The following RAPGEF5 variants were observed in gnomAD, a reference collection of about 807,000 sequenced individuals.
RAPGEF5 encodes Rap guanine nucleotide exchange factor 5, also known as M-Ras-regulated GEF.
RAPGEF5 carries 65 observed loss-of-function variants against 125.2 expected under a neutral mutation model. The ratio of observed to expected loss-of-function variants is 0.52; its 90% CI spans 0.43 to 0.64. RAPGEF5 has a LOEUF of 0.64. RAPGEF5 is among the 30% of genes least tolerant of loss of function. The probability of loss-of-function intolerance (pLI) is 0.00; values close to 1 mark genes in which losing one functional copy is unlikely to be tolerated. For synonymous variants in RAPGEF5, 391 were observed against 385.9 expected (o/e 1.01, Z -0.16); for missense variants, 958 against 1,048.1 (o/e 0.91, Z 1.19).
chr7:22,225,923 AG>A (rs1284285573), intron 8 of RAPGEF5, among the ~76,000 whole-genome samples: 1 of 152,224 alleles, frequency 6.6e-6, no homozygotes, highest in Non-Finnish European at 1.5e-5. Flanking sequence ...GTAAACGAAA[AG>A]CCTGTTTCCT....
chr7:22,123,429 T>C (rs1294823938), intron 25 of RAPGEF5, among the ~76,000 whole-genome samples: 3 of 152,174 alleles, frequency 2.0e-5, no homozygotes, highest in Non-Finnish European at 2.9e-5. Flanking sequence ...GGTGAAGACA[T>C]CATATCCTGT....
Position 22,147,030 on chromosome 7 carries a change from A to G in RAPGEF5, c.1885-11T>C, listed in dbSNP as rs1419580265. On this transcript the variant is annotated splice_polypyrimidine_tract_variant and intron_variant, in intron 18 of 25. Transcript: ENST00000665637. ...TTCTGCAAATGGGTTCTAAACCAAC[A>G]GAAGCAAAAAGATCCTCAGTAATTC... 4 of 1,610,256 alleles carry G rather than the reference A, an allele frequency of 2.5e-6. No individual in the cohort carries two copies. The highest frequency in any genetic ancestry group is 4.5e-5 in the East Asian group (2 of 44,844).
chr7:22,345,065 C>G (rs1179311694), intron 1 of RAPGEF5, among the ~76,000 whole-genome samples: 2 of 152,330 alleles, frequency 1.3e-5, no homozygotes, highest in East Asian at 3.9e-4. Context: ...GAACCAAAGT[C>G]TCTAAGGCTG....
intron 7 of RAPGEF5, among the ~76,000 whole-genome samples, chr7:22,251,091 T>C (rs893595102): frequency 3.3e-5 from 5 of 152,196 alleles, no homozygotes; most frequent in Non-Finnish European, 5.9e-5. Context: ...ATAAGAGACA[T>C]GATTTTAGCC....
In RAPGEF5 at chr7:22,193,454, A is replaced by G; in HGVS notation, c.1117T>C (p.Tyr373His). ...TAGSAESHWR[Y>H]VVVSGTPEKI... ...TCCGGGGTCCCGGACACCACCACAT[A>G]TCTGTCAGAGAGCAGAGAGTCCACT... The change falls in exon 11 of 26, where the codon TAT becomes CAT. Residue 373 changes from tyrosine to histidine, a missense_variant and splice_region_variant. Transcript: ENST00000665637. 2 of 1,587,786 alleles carry G rather than the reference A, an allele frequency of 1.3e-6. No individual in the cohort carries two copies. Among genetic ancestry groups the G allele is most frequent in the Non-Finnish European group, 1.7e-6 (2 of 1,166,252 alleles).
chr7:22,158,935 G>T (rs1404024764), intron 14 of RAPGEF5, among the ~76,000 whole-genome samples: 1 of 152,124 alleles, frequency 6.6e-6, no homozygotes, highest in East Asian at 1.9e-4. Flanking sequence ...TGCCTGCCAA[G>T]AATCATTTCT....
chr7:22,156,740 T>C (rs41273945), intron 16 of RAPGEF5, 70 bp downstream of exon 16: 37,501 of 1,604,610 alleles, frequency 0.023, 557 homozygotes, highest in Middle Eastern at 0.058. Flanking sequence ...CAGGCTGATA[T>C]GCCAATGTAG....
chr7:22,169,180 T>C (rs963862694), intron 11 of RAPGEF5, among the ~76,000 whole-genome samples: 1 of 152,132 alleles, frequency 6.6e-6, no homozygotes, highest in African/African-American at 2.4e-5. Context: ...TGAATGGACA[T>C]GCACAGCCTG....
chr7:22,333,981 C>T (rs1331481793), intron 1 of RAPGEF5, among the ~76,000 whole-genome samples: 2 of 147,386 alleles, frequency 1.4e-5, no homozygotes, highest in African/African-American at 2.5e-5. Context: ...TCGGCTGCGC[C>T]GTTGTGCATG....
chr7:22,183,552 T>C (rs1784740381), intron 11 of RAPGEF5, among the ~76,000 whole-genome samples: 1 of 152,072 alleles, frequency 6.6e-6, no homozygotes, highest in Non-Finnish European at 1.5e-5. Flanking sequence ...TGAAGCAAAT[T>C]AATGTAAATA....
chr7:22,255,063 A>G (rs1017771466), intron 7 of RAPGEF5, among the ~76,000 whole-genome samples: 1 of 152,120 alleles, frequency 6.6e-6, no homozygotes, highest in Non-Finnish European at 1.5e-5. Flanking sequence ...TTTTACCTGG[A>G]GTTCACTGTC....
rs537651329 is a variant in RAPGEF5, at chr7:22,211,959, T to C, written c.996+7907A>G. Among the ~76,000 whole-genome samples the C allele has an allele frequency of 4.3e-5, 5 of 116,664 alleles. No individual in the cohort carries two copies. In the East Asian group the frequency reaches 1.2e-3, roughly 29 times the overall value. 76.5% of individuals were successfully genotyped at this position (116,664 alleles called of 152,430 possible). ...CAGGCCCCTTGTGTTATCACATGTG[T>C]TCTCTTTTTTTTTTTTTTTTTTTTT... On this transcript the variant is annotated intron_variant, in intron 9 of 25. Transcript: ENST00000665637.
chr7:22,150,430 G>A lies in RAPGEF5; in HGVS notation c.1861C>T (p.Arg621Trp), dbSNP rs752404961. The A allele has an allele frequency of 1.7e-5, 28 of 1,609,218 alleles. No individual in the cohort carries two copies. The highest frequency in any genetic ancestry group is 1.7e-4 in the Middle Eastern group (1 of 6,042). The change falls in exon 18 of 26, where the codon CGG becomes TGG. Residue 621 changes from arginine (R) to tryptophan (W), a missense_variant. Transcript: ENST00000665637. ...LEASGRIYVY[R>W]KDLADTLNPF... ...ACCAAAGTGTCCGCCAGGTCTTTCCGGTAGACATATATTCGACCAGATGCC... is the reference window on the plus strand; with the variant it reads ...ACCAAAGTGTCCGCCAGGTCTTTCCAGTAGACATATATTCGACCAGATGCC...
chr7:22,233,766 G>T (rs948761191), intron 7 of RAPGEF5, among the ~76,000 whole-genome samples: 1 of 152,166 alleles, frequency 6.6e-6, no homozygotes, highest in Non-Finnish European at 1.5e-5. Flanking sequence ...AGGAATAGAT[G>T]AACATAAAAG....
intron 5 of RAPGEF5, among the ~76,000 whole-genome samples, chr7:22,302,099 C>T (rs1029239912): frequency 6.6e-6 from 1 of 152,198 alleles, no homozygotes; most frequent in Non-Finnish European, 1.5e-5. Context: ...TTTTCCCAGA[C>T]CCTCTGCTCC....
chr7:22,285,138 C>T (rs987320284), intron 6 of RAPGEF5, among the ~76,000 whole-genome samples: 14 of 152,140 alleles, frequency 9.2e-5, no homozygotes, highest in Admixed American at 2.0e-4. Flanking sequence ...TGCAGCTGAC[C>T]GGGAGCCGCG....
chr7:22,167,208 G>GCTCTT, intron 11 of RAPGEF5, 60 bp from the exon 12 acceptor site: 1 of 1,295,152 alleles, frequency 7.7e-7, no homozygotes, highest in Non-Finnish European at 1.1e-6. Context: ...AAGAGCAGCT[G>GCTCTT]CTTATCTGGG....
In RAPGEF5 at chr7:22,230,487, G is replaced by A. The variant is rs114652891; in HGVS notation, c.870+359C>T. ...ATGCTACCTAAAGCATATTCATGCCGTGATTTAGCTACTGGGAGGTAGCAC... is the reference window on the plus strand; with the variant it reads ...ATGCTACCTAAAGCATATTCATGCCATGATTTAGCTACTGGGAGGTAGCAC... On this transcript the variant is annotated intron_variant, in intron 8 of 25. Coordinates refer to ENST00000665637, the MANE Select transcript of RAPGEF5 (RefSeq NM_012294.5). 5.0e-3 allele frequency among the ~76,000 whole-genome samples: 755 copies of A among 152,270 alleles called. 8 individuals carry two copies. Among genetic ancestry groups the A allele is most frequent in the African/African-American group, 0.017 (721 of 41,548 alleles).
intron 1 of RAPGEF5, among the ~76,000 whole-genome samples, chr7:22,329,972 A>C (rs968519011): frequency 8.5e-5 from 13 of 152,204 alleles, no homozygotes; most frequent in African/African-American, 2.9e-4. Flanking sequence ...GGCACAAGCA[A>C]ACAGAGCTGT....
Sources: allele counts gnomAD v4.1 joint callset (sites outside exome capture counted in the v4.1 genomes callset), GRCh38; gene constraint gnomAD v4.1.1; transcripts MANE v1.5; gene names NCBI Gene and HGNC (gene_info 2026-07-23, HGNC 2026-07-21).